Variants in GMDS observed in about 807,000 individuals in gnomAD.
GMDS encodes the protein GDP-mannose 4,6 dehydratase.
GMDS carries 20 observed loss-of-function variants against 49.9 expected under a neutral mutation model. That is an observed-to-expected ratio of 0.40 (90% CI 0.28 to 0.58). GMDS has a LOEUF of 0.58. GMDS is among the 20% of genes least tolerant of loss of function. GMDS has a pLI of 0.42. For synonymous variants in GMDS, 177 were observed against 178.6 expected, an observed-to-expected ratio of 0.99 and a Z score of 0.07; for missense variants, 362 against 481.4, an observed-to-expected ratio of 0.75 and a Z score of 2.32.
At chr6:1,884,788 T>TA (rs1168657759) in intron 7 of GMDS, among the ~76,000 whole-genome samples, 26 of 152,198 alleles carry the variant, frequency 1.7e-4, no homozygotes, top group Non-Finnish European at 3.5e-4. Flanking sequence ...ATTTACTCAT[T>TA]AAAAAGTGCA....
At chr6:2,012,978 C>G (rs1767651881) in intron 4 of GMDS, among the ~76,000 whole-genome samples, 1 of 152,074 alleles carries the variant, frequency 6.6e-6, no homozygotes, top group Admixed American at 6.5e-5. Context: ...CTTCTCTGAC[C>G]TAGGGGAAAA....
intron 1 of GMDS, among the ~76,000 whole-genome samples, chr6:2,150,869 G>A (rs1438791108): frequency 5.3e-5 from 8 of 151,984 alleles, no homozygotes; most frequent in Non-Finnish European, 7.4e-5. Flanking sequence ...AATTTATACA[G>A]ACCACAGTCA....
chr6:2,088,664 A>C lies in GMDS; in HGVS notation c.345+27107T>G, dbSNP rs117465599. 5.3e-4 allele frequency among the ~76,000 whole-genome samples: 81 copies of C among 152,300 alleles called. No individual in the cohort carries two copies. The East Asian group carries it at 0.014, about 27-fold the overall frequency. ...GAGAACACTGGTTCTTTCTGATCAC[A>C]ATCTTGATCCTAGAGATGAAATACT... On this transcript the variant is annotated intron_variant, in intron 4 of 10. Coordinates refer to ENST00000380815, the MANE Select transcript of GMDS (RefSeq NM_001500.4).
chr6:2,166,487 G>C (rs1435140520), intron 1 of GMDS, among the ~76,000 whole-genome samples: 1 of 152,176 alleles, frequency 6.6e-6, no homozygotes, highest in East Asian at 1.9e-4. Flanking sequence ...AACAAGCTCA[G>C]AGTTCAAGTA....
intron 9 of GMDS, among the ~76,000 whole-genome samples, chr6:1,656,595 C>T (rs1202054634): frequency 6.6e-6 from 1 of 151,958 alleles, no homozygotes; most frequent in Non-Finnish European, 1.5e-5. Context: ...AACCCCGTCT[C>T]TACTAAAAAA....
chr6:1,751,162 G>A (rs898801994), intron 7 of GMDS, among the ~76,000 whole-genome samples: 7 of 152,172 alleles, frequency 4.6e-5, no homozygotes, highest in African/African-American at 1.4e-4. Flanking sequence ...AGACTTAAAC[G>A]TTCCTGCCTG....
chr6:2,005,755 A>G lies in GMDS; in HGVS notation c.346-44789T>C, dbSNP rs1767123692. Among the ~76,000 whole-genome samples the G allele has an allele frequency of 2.6e-5, 4 of 152,332 alleles. No individual in the cohort carries two copies. The South Asian group carries it at 8.3e-4, about 32-fold the overall frequency. Reference sequence around the variant, plus strand: ...AGATATCCAACTTCCAGACTCAGCTAGACCCTCCAGACCACCTGGGACAGG... The same window carrying G: ...AGATATCCAACTTCCAGACTCAGCTGGACCCTCCAGACCACCTGGGACAGG... On this transcript the variant is annotated intron_variant, in intron 4 of 10. Coordinates refer to ENST00000380815, the MANE Select transcript of GMDS (RefSeq NM_001500.4).
intron 7 of GMDS, among the ~76,000 whole-genome samples, chr6:1,757,909 T>C (rs1449595031): frequency 6.6e-6 from 1 of 152,254 alleles, no homozygotes; most frequent in Non-Finnish European, 1.5e-5. Context: ...ATATATCCAG[T>C]ATGTTACCAT....
intron 4 of GMDS, among the ~76,000 whole-genome samples, chr6:2,109,926 G>A (rs1257023684): frequency 1.3e-5 from 2 of 152,060 alleles, no homozygotes; most frequent in African/African-American, 4.8e-5. Flanking sequence ...CAATAGCTAC[G>A]CTCCCTGCCT....
At chr6:1,970,959 A>G (rs1253563458) in intron 4 of GMDS, among the ~76,000 whole-genome samples, 1 of 139,168 alleles carries the variant, frequency 7.2e-6, no homozygotes, top group Admixed American at 7.3e-5. Flanking sequence ...AGACTTAAAG[A>G]GAAAAAGTAG....
At chr6:2,200,818 T>C (rs1779487357) in intron 1 of GMDS, among the ~76,000 whole-genome samples, 1 of 143,510 alleles carries the variant, frequency 7.0e-6, no homozygotes, top group Middle Eastern at 3.5e-3. Context: ...CAAATGGGCA[T>C]CCGAGATGTA....
chr6:1,726,321 C>T, intron 9 of GMDS, 95 bp downstream of exon 9: 1 of 801,734 alleles, frequency 1.2e-6, no homozygotes, highest in East Asian at 2.4e-5. Flanking sequence ...GCTGAACTGA[C>T]AGCTCCAAAG....
intron 7 of GMDS, among the ~76,000 whole-genome samples, chr6:1,812,599 G>C (rs1391609247): frequency 1.3e-5 from 2 of 152,020 alleles, no homozygotes; most frequent in Non-Finnish European, 2.9e-5. Flanking sequence ...AAAAGGAAGG[G>C]AGCAGGTCAG....
chr6:1,641,240 T>C (rs1312643307), intron 9 of GMDS, among the ~76,000 whole-genome samples: 1 of 152,208 alleles, frequency 6.6e-6, no homozygotes, highest in African/African-American at 2.4e-5. Flanking sequence ...TCCATTCCTG[T>C]GCACCCTGGA....
At chr6:2,013,075 C>T (rs796717322) in intron 4 of GMDS, among the ~76,000 whole-genome samples, 1 of 152,172 alleles carries the variant, frequency 6.6e-6, no homozygotes, top group Non-Finnish European at 1.5e-5. Flanking sequence ...ATTCTGGCCA[C>T]AGGCCAGAAA....
chr6:1,760,111 G>A (rs186429759), intron 7 of GMDS, among the ~76,000 whole-genome samples: 2 of 152,292 alleles, frequency 1.3e-5, no homozygotes, highest in African/African-American at 4.8e-5. Flanking sequence ...AGTGGGAAAG[G>A]GAGCCCACGA....
Position 1,951,056 on chromosome 6 carries a change from C to A in GMDS, c.643+8811G>T, listed in dbSNP as rs920469306. ...GCCAGACGTCCTCTGGAGGAAAGAG[C>A]CACTCTCTCCCCATTCCCCACCCCT... On this transcript the variant is annotated intron_variant, in intron 6 of 10. Transcript: ENST00000380815. Among the ~76,000 whole-genome samples the A allele has an allele frequency of 3.3e-5, 5 of 152,020 alleles. No individual in the cohort carries two copies. In the East Asian group the frequency reaches 7.7e-4, roughly 23 times the overall value.
chr6:2,183,960 CAACAT>C (rs1339962927), intron 1 of GMDS, among the ~76,000 whole-genome samples: 2 of 152,232 alleles, frequency 1.3e-5, no homozygotes, highest in Middle Eastern at 3.4e-3. Context: ...AGTACAGTGT[CAACAT>C]AACATATATG....
intron 4 of GMDS, among the ~76,000 whole-genome samples, chr6:2,101,680 A>G (rs570027111): frequency 2.0e-4 from 30 of 152,182 alleles, no homozygotes; most frequent in East Asian, 1.4e-3. Flanking sequence ...ACTGTGGGGG[A>G]AAAAAGGCAA....
Sources: gnomAD v4.1 joint callset for allele counts (sites outside exome capture counted in the v4.1 genomes callset) on GRCh38, gnomAD v4.1.1 for gene constraint, MANE v1.5 for transcripts, NCBI Gene and HGNC (gene_info 2026-07-23, HGNC 2026-07-21) for gene names.